Variants in DENND1A observed in about 807,000 individuals in gnomAD.
DENND1A encodes DENN domain containing 1A, also known as DENN domain-containing protein 1A.
In DENND1A, 51 loss-of-function variants were observed where a neutral mutation model predicts 113.7. The ratio of observed to expected loss-of-function variants is 0.45; its 90% CI spans 0.36 to 0.57. The LOEUF is 0.57. DENND1A is among the 20% of genes least tolerant of loss of function. The pLI, the probability that DENND1A is intolerant of heterozygous loss-of-function variation, is 0.00. For missense variants in DENND1A, 1,258 were observed against 1,395.9 expected, an observed-to-expected ratio of 0.90 and a Z score of 1.57; for synonymous variants, 565 against 570.8, an observed-to-expected ratio of 0.99 and a Z score of 0.14.
intron 18 of DENND1A, among the ~76,000 whole-genome samples, chr9:123,442,756 T>TA (rs1204499997): frequency 6.6e-6 from 1 of 152,238 alleles, no homozygotes; most frequent in Non-Finnish European, 1.5e-5. Flanking sequence ...TACTATCGTC[T>TA]AGTTTTGTTT....
intron 5 of DENND1A, among the ~76,000 whole-genome samples, chr9:123,748,774 T>C (rs1486491376): frequency 6.6e-6 from 1 of 152,060 alleles, no homozygotes; most frequent in African/African-American, 2.4e-5. Context: ...CCAAGAAAAA[T>C]TGTTGACACT....
At chr9:123,716,628 C>T (rs1340679129) in intron 5 of DENND1A, among the ~76,000 whole-genome samples, 1 of 152,222 alleles carries the variant, frequency 6.6e-6, no homozygotes, top group Non-Finnish European at 1.5e-5. Context: ...CAAATCGGAT[C>T]ATGGTACGGC....
At chr9:123,848,350 T>C (rs1251238648) in intron 2 of DENND1A, among the ~76,000 whole-genome samples, 1 of 152,084 alleles carries the variant, frequency 6.6e-6, no homozygotes, top group Non-Finnish European at 1.5e-5. Flanking sequence ...TTCAAACTCT[T>C]TAAATTATTA....
intron 1 of DENND1A, among the ~76,000 whole-genome samples, chr9:123,922,490 C>A (rs1417952943): frequency 6.6e-6 from 1 of 152,188 alleles, no homozygotes; most frequent in African/African-American, 2.4e-5. Context: ...CATATTCTCA[C>A]GTTCCAATGC....
chr9:123,710,934 A>G (rs573145305), intron 5 of DENND1A, among the ~76,000 whole-genome samples: 3 of 152,284 alleles, frequency 2.0e-5, no homozygotes, highest in East Asian at 3.9e-4. Flanking sequence ...CGGCCTCTCA[A>G]TGTGCTGGGA....
intron 2 of DENND1A, among the ~76,000 whole-genome samples, chr9:123,801,882 T>A (rs1834735119): frequency 6.6e-6 from 1 of 152,208 alleles, no homozygotes; most frequent in Admixed American, 6.5e-5. Flanking sequence ...ACCTTTCTCA[T>A]CTTCCCACTA....
intron 9 of DENND1A, among the ~76,000 whole-genome samples, chr9:123,650,917 A>T: frequency 6.6e-6 from 1 of 150,744 alleles, no homozygotes; most frequent in South Asian, 2.1e-4. Flanking sequence ...AAAAAAAAAA[A>T]AAAAAAAAAA....
At chr9:123,497,838 A>G (rs1258964040) in intron 13 of DENND1A, among the ~76,000 whole-genome samples, 3 of 151,964 alleles carry the variant, frequency 2.0e-5, no homozygotes, top group African/African-American at 7.2e-5. Flanking sequence ...AAAAGAAAAA[A>G]TCTATCATTC....
intron 11 of DENND1A, among the ~76,000 whole-genome samples, chr9:123,607,700 C>T (rs940962788): frequency 6.6e-6 from 1 of 150,444 alleles, no homozygotes; most frequent in African/African-American, 2.4e-5. Flanking sequence ...AGCATTAGAA[C>T]CCCAGCTGAG....
chr9:123,870,426 T>C (rs1014720843), intron 2 of DENND1A, among the ~76,000 whole-genome samples: 4 of 150,992 alleles, frequency 2.6e-5, no homozygotes, highest in Non-Finnish European at 5.9e-5. Context: ...CCCGCCACCA[T>C]GCCCGGCTAA....
intron 11 of DENND1A, among the ~76,000 whole-genome samples, chr9:123,593,658 C>T (rs2059560446): frequency 2.0e-5 from 3 of 151,866 alleles, no homozygotes; most frequent in Admixed American, 1.3e-4. Flanking sequence ...TTTTCTTTTT[C>T]TTTTTTTTAA....
intron 20 of DENND1A, 86 bp from the exon 21 acceptor site, chr9:123,403,576 C>T (rs568930150): frequency 7.9e-7 from 1 of 1,269,648 alleles, no homozygotes; most frequent in Middle Eastern, 1.9e-4. Flanking sequence ...GATAAACGGC[C>T]CCCCCAAAAA....
At chr9:123,825,627 C>T (rs1345456831) in intron 2 of DENND1A, among the ~76,000 whole-genome samples, 3 of 152,210 alleles carry the variant, frequency 2.0e-5, no homozygotes, top group South Asian at 2.1e-4. Context: ...AGATGCATCA[C>T]GATTTCAGAC....
chr9:123,905,149 GC>G (rs1339894069), intron 1 of DENND1A, among the ~76,000 whole-genome samples: 1 of 151,596 alleles, frequency 6.6e-6, no homozygotes, highest in African/African-American at 2.4e-5. Context: ...TTACAGACAA[GC>G]AAATGCTGAG....
At chr9:123,796,790 C>CACA (rs1408903894) in intron 2 of DENND1A, among the ~76,000 whole-genome samples, 20 of 151,438 alleles carry the variant, frequency 1.3e-4, no homozygotes, top group Non-Finnish European at 4.4e-5. Context: ...CACACACACA[C>CACA]ATCTTACCAA....
At chr9:123,853,295 AAGAAT>A (rs1301618922) in intron 2 of DENND1A, among the ~76,000 whole-genome samples, 2 of 152,262 alleles carry the variant, frequency 1.3e-5, no homozygotes, top group East Asian at 3.9e-4. Flanking sequence ...TGTTGTACAA[AAGAAT>A]AGAAGCGGGG....
intron 2 of DENND1A, among the ~76,000 whole-genome samples, chr9:123,871,875 T>C (rs1239411719): frequency 6.6e-6 from 1 of 152,204 alleles, no homozygotes; most frequent in Non-Finnish European, 1.5e-5. Flanking sequence ...CTCCCAGTGC[T>C]AAGCATCTGC....
At chr9:123,628,589 T>C (rs755434765) in intron 10 of DENND1A, among the ~76,000 whole-genome samples, 1 of 152,116 alleles carries the variant, frequency 6.6e-6, no homozygotes, top group Non-Finnish European at 1.5e-5. Flanking sequence ...TGTCACATGG[T>C]GAATCTGTTA....
chr9:123,503,334 G>A (rs556842174), intron 13 of DENND1A, among the ~76,000 whole-genome samples: 6 of 152,286 alleles, frequency 3.9e-5, no homozygotes, highest in South Asian at 4.1e-4. Flanking sequence ...AGCTGGGAGT[G>A]TATTTAAGAG....
Sources: allele counts gnomAD v4.1 joint callset (sites outside exome capture counted in the v4.1 genomes callset), GRCh38; gene constraint gnomAD v4.1.1; transcripts MANE v1.5; gene names NCBI Gene and HGNC (gene_info 2026-07-23, HGNC 2026-07-21).